Variants in SYT14 observed in about 807,000 individuals in gnomAD.
SYT14 encodes synaptotagmin-14.
A neutral mutation model predicts 74.2 loss-of-function variants in SYT14; 32 were observed. The ratio of observed to expected loss-of-function variants is 0.43; its 90% CI spans 0.33 to 0.58. SYT14 has a LOEUF of 0.58. Among genes scored for constraint, SYT14 ranks in the 20% least tolerant of loss-of-function variants. SYT14 has a pLI of 0.05. For synonymous variants in SYT14, 298 were observed against 337.7 expected (o/e 0.88, Z 1.29); for missense variants, 791 against 981.8 (o/e 0.81, Z 2.60).
chr1:210,165,268 C>A (rs991056878), exon 10 of SYT14: 2 of 151,802 alleles, frequency 1.3e-5, no homozygotes, highest in African/African-American at 4.8e-5. Flanking sequence ...ATCAATAATC[C>A]CACTCACCTT....
chr1:210,152,746 A>G (rs184277326), intron 7 of SYT14, among the ~76,000 whole-genome samples: 66 of 152,272 alleles, frequency 4.3e-4, no homozygotes, highest in African/African-American at 1.5e-3. Context: ...TCCAGAGTTA[A>G]CTACAATTTT....
chr1:210,078,288 C>G (rs373523973), intron 5 of SYT14, among the ~76,000 whole-genome samples: 2 of 106,876 alleles, frequency 1.9e-5, no homozygotes, highest in South Asian at 3.4e-4. Context: ...CCAGCCTGGG[C>G]GACAGAGCGA....
chr1:209,996,585 G>A (rs2079802379), intron 2 of SYT14, among the ~76,000 whole-genome samples: 1 of 151,906 alleles, frequency 6.6e-6, no homozygotes, highest in African/African-American at 2.4e-5. Context: ...AAGGAGGAGG[G>A]ACTCCTCCCT....
At chr1:210,124,455 T>C (rs1303133423) in intron 7 of SYT14, among the ~76,000 whole-genome samples, 1 of 152,104 alleles carries the variant, frequency 6.6e-6, no homozygotes, top group African/African-American at 2.4e-5. Context: ...AGAGCTTGTC[T>C]CCAAATAAAG....
At chr1:210,086,278 C>T (rs2081728104) in intron 5 of SYT14, among the ~76,000 whole-genome samples, 1 of 152,090 alleles carries the variant, frequency 6.6e-6, no homozygotes, top group Non-Finnish European at 1.5e-5. Flanking sequence ...AGGTACCCTT[C>T]GTAATTAAAA....
chr1:209,971,652 T>G (rs2079259035), intron 2 of SYT14, among the ~76,000 whole-genome samples: 1 of 152,212 alleles, frequency 6.6e-6, no homozygotes, highest in African/African-American at 2.4e-5. Context: ...TCATGCAGTT[T>G]TTGTTCTTAA....
chr1:210,091,877 T>TA (rs2081875224), intron 5 of SYT14, among the ~76,000 whole-genome samples: 2 of 152,140 alleles, frequency 1.3e-5, no homozygotes, highest in Non-Finnish European at 2.9e-5. Flanking sequence ...GTGACCCAGG[T>TA]CTGTGCATTA....
intron 1 of SYT14, among the ~76,000 whole-genome samples, chr1:209,952,073 G>A (rs2078920242): frequency 6.6e-6 from 1 of 152,040 alleles, no homozygotes; most frequent in Admixed American, 6.6e-5. Flanking sequence ...TGCTTACTTT[G>A]TGACAATTAC....
At chr1:210,166,943 TG>T (rs2083462414) in exon 10 of SYT14, 1 of 152,138 alleles carries the variant, frequency 6.6e-6, no homozygotes, top group Admixed American at 6.5e-5. Context: ...AGATATTTAA[TG>T]AAAAAAATTA....
At chr1:210,144,343 A>G in intron 7 of SYT14, among the ~76,000 whole-genome samples, 1 of 152,144 alleles carries the variant, frequency 6.6e-6, no homozygotes, top group East Asian at 1.9e-4. Context: ...GTTCCCTAAT[A>G]TATTAACAAG....
intron 2 of SYT14, among the ~76,000 whole-genome samples, chr1:209,980,702 G>C (rs577546049): frequency 7.9e-5 from 12 of 152,198 alleles, no homozygotes; most frequent in African/African-American, 2.9e-4. Flanking sequence ...TATTAAATAG[G>C]GAGCCCTTAT....
intron 5 of SYT14, among the ~76,000 whole-genome samples, chr1:210,080,936 T>G (rs1389146611): frequency 1.3e-5 from 2 of 152,012 alleles, no homozygotes; most frequent in Non-Finnish European, 2.9e-5. Context: ...TTCAAAGAGG[T>G]AACAACTAAG....
At chr1:210,041,767 C>A (rs2080795120) in intron 5 of SYT14, among the ~76,000 whole-genome samples, 1 of 152,048 alleles carries the variant, frequency 6.6e-6, no homozygotes, top group South Asian at 2.1e-4. Flanking sequence ...AGACAGAATA[C>A]TCTTACAAGT....
At chr1:210,164,533 T>C (rs1177520561) in exon 10 of SYT14, 1 of 156,666 alleles carries the variant, frequency 6.4e-6, no homozygotes, top group Admixed American at 6.2e-5. Flanking sequence ...TGTTTGTCAA[T>C]ATGAAGATGT....
At chr1:210,161,635 A>G (rs2083374719) in exon 10 of SYT14, 2 of 453,788 alleles carry the variant, frequency 4.4e-6, no homozygotes, top group Admixed American at 4.7e-5. Context: ...ACTAAATCTA[A>G]GTGCAAACAA....
At chr1:210,018,290 C>T (rs1052638340) in intron 4 of SYT14, among the ~76,000 whole-genome samples, 4 of 152,116 alleles carry the variant, frequency 2.6e-5, no homozygotes, top group East Asian at 1.9e-4. Flanking sequence ...CGCACCACCA[C>T]GCCCAGCTAG....
chr1:210,031,135 G>T (rs537583762), intron 5 of SYT14, among the ~76,000 whole-genome samples: 3 of 135,104 alleles, frequency 2.2e-5, no homozygotes, highest in Admixed American at 1.6e-4. Flanking sequence ...GTTTCTCCAC[G>T]TTGCCCAGGA....
intron 7 of SYT14, among the ~76,000 whole-genome samples, chr1:210,146,874 A>G (rs2083050396): frequency 6.6e-6 from 1 of 151,722 alleles, no homozygotes; most frequent in Non-Finnish European, 1.5e-5. Context: ...TGTATGTAGT[A>G]TATATGGTCT....
Position 209,978,221 on chromosome 1 carries a change from C to T in SYT14, c.-486+25465C>T, listed in dbSNP as rs529900320. 9.1e-4 allele frequency among the ~76,000 whole-genome samples: 139 copies of T among 152,312 alleles called. 1 individual carries two copies. The highest frequency in any genetic ancestry group is 1.7e-3 in the Non-Finnish European group (119 of 68,024). On this transcript the variant is annotated intron_variant, in intron 2 of 9. Transcript: ENST00000637265. ...CTCTCAACTCATCGAAGTCATTCTC[C>T]GTCCAGCTTTGTTCCGTTGCTGGTG...
Sources: allele counts gnomAD v4.1 joint callset (sites outside exome capture counted in the v4.1 genomes callset), GRCh38; gene constraint gnomAD v4.1.1; transcripts MANE v1.5; gene names NCBI Gene and HGNC (gene_info 2026-07-23, HGNC 2026-07-21).